The following KIAA0825 variants were observed in gnomAD, a reference collection of about 807,000 sequenced individuals.
KIAA0825 encodes the protein KIAA0825.
Under a neutral mutation model 147.6 loss-of-function variants are expected in KIAA0825, and 119 were observed. The ratio of observed to expected loss-of-function variants is 0.81; its 90% CI spans 0.69 to 0.94. KIAA0825 has a LOEUF of 0.94. Ranked by LOEUF, KIAA0825 falls within the 40% of genes least tolerant of loss-of-function variation. KIAA0825 has a pLI of 0.00. For synonymous variants in KIAA0825, 470 were observed against 518.1 expected, an observed-to-expected ratio of 0.91 and a Z score of 1.26; for missense variants, 1,381 against 1,472.7, an observed-to-expected ratio of 0.94 and a Z score of 1.02.
At chr5:94,330,695 C>A (rs1781175710) in intron 20 of KIAA0825, among the ~76,000 whole-genome samples, 1 of 148,076 alleles carries the variant, frequency 6.8e-6, no homozygotes. Context: ...AGAATAGAAA[C>A]CAATAAAACT....
intron 12 of KIAA0825, among the ~76,000 whole-genome samples, chr5:94,457,485 T>G (rs1156800513): frequency 6.6e-6 from 1 of 152,226 alleles, no homozygotes; most frequent in East Asian, 1.9e-4. Flanking sequence ...AGAGTGCATT[T>G]GGGAAAATTC....
At chr5:94,393,544 G>T (rs1051290731) in intron 17 of KIAA0825, among the ~76,000 whole-genome samples, 2 of 152,180 alleles carry the variant, frequency 1.3e-5, no homozygotes, top group Non-Finnish European at 2.9e-5. Context: ...CTGGATGCAA[G>T]TGAAAGGAAT....
At position 94,565,095 on chromosome 5, in the gene KIAA0825, C is replaced by CTTTTTTTTTTTTTTTTTTTTTTTTTT. The variant is rs1176429699; in HGVS notation, c.-2+17337_-2+17338insAAAAAAAAAAAAAAAAAAAAAAAAAA. Among the ~76,000 whole-genome samples the CTTTTTTTTTTTTTTTTTTTTTTTTTT allele has an allele frequency of 4.7e-4, 25 of 52,926 alleles. 2 individuals are homozygous for CTTTTTTTTTTTTTTTTTTTTTTTTTT. The highest frequency in any genetic ancestry group is 7.0e-4 in the Non-Finnish European group (19 of 27,326). 34.7% of individuals were successfully genotyped at this position (52,926 alleles called of 152,430 possible). ...CTCTTTCTCTCTCTTTCTTGCTTTCCTTTTTTTTTTTTTTTTTTGGTAGAG... is the reference window on the plus strand; with the variant it reads ...CTCTTTCTCTCTCTTTCTTGCTTTCCTTTTTTTTTTTTTTTTTTTTTTTTTTTTTTTTTTTTTTTTTTTTGGTAGAG... On this transcript the variant is annotated intron_variant, in intron 2 of 20. Coordinates refer to ENST00000682413, the MANE Select transcript of KIAA0825 (RefSeq NM_001145678.3).
chr5:94,576,519 T>C (rs1355192050), intron 2 of KIAA0825, among the ~76,000 whole-genome samples: 1 of 152,168 alleles, frequency 6.6e-6, no homozygotes, highest in Non-Finnish European at 1.5e-5. Flanking sequence ...TGTGATACCC[T>C]GTATCACCTC....
At chr5:94,389,339 G>C (rs188408773) in intron 18 of KIAA0825, among the ~76,000 whole-genome samples, 1 of 152,326 alleles carries the variant, frequency 6.6e-6, no homozygotes, top group East Asian at 1.9e-4. Flanking sequence ...TTCCCTGTAT[G>C]TAAGCTCCCA....
At chr5:94,259,788 T>C (rs1401829838) in intron 20 of KIAA0825, among the ~76,000 whole-genome samples, 2 of 151,938 alleles carry the variant, frequency 1.3e-5, no homozygotes, top group Non-Finnish European at 2.9e-5. Flanking sequence ...TTATATTATC[T>C]TTAAAAATCT....
At position 94,523,205 on chromosome 5, in the gene KIAA0825, A is replaced by G. The variant is rs527999967; in HGVS notation, c.300+725T>C. Among the ~76,000 whole-genome samples the G allele has an allele frequency of 4.3e-4, 66 of 151,796 alleles. 1 individual carries two copies. Among genetic ancestry groups the G allele is most frequent in the African/African-American group, 1.4e-3 (60 of 41,546 alleles). On this transcript the variant is annotated intron_variant, in intron 4 of 20. Transcript: ENST00000682413. ...TAGTCAATGTTTGATGTTTAGACAA[A>G]AACAGTGCCTTTTTTTCCCTAAATT...
At chr5:94,534,973 T>C (rs894339336) in intron 3 of KIAA0825, among the ~76,000 whole-genome samples, 3 of 152,140 alleles carry the variant, frequency 2.0e-5, no homozygotes, top group Non-Finnish European at 2.9e-5. Context: ...TACATAAATA[T>C]ATAACATGAA....
Position 94,417,363 on chromosome 5 carries a change from G to C in KIAA0825, c.2500C>G (p.Gln834Glu). The change falls in exon 15 of 21, where the codon CAA becomes GAA. Residue 834 changes from glutamine (Q) to glutamate (E), a missense_variant and splice_region_variant. Gln to Glu is a conservative substitution (Grantham distance 29). Transcript: ENST00000682413. ...AGGTTATTTTCTGTGTCGGAAACTTGTTCTTGAAAGGTACGTTCTTGAAAG... is the reference window on the plus strand; with the variant it reads ...AGGTTATTTTCTGTGTCGGAAACTTCTTCTTGAAAGGTACGTTCTTGAAAG... ...LLRILLKSSKQVSDTENNLNQ... is the reference protein window; with the variant it reads ...LLRILLKSSKEVSDTENNLNQ... 1 of 1,541,580 alleles carries C rather than the reference G, an allele frequency of 6.5e-7. No homozygotes were observed. Among genetic ancestry groups the C allele is most frequent in the Non-Finnish European group, 8.8e-7 (1 of 1,139,174 alleles).
chr5:94,381,140 T>C (rs1748350851), intron 20 of KIAA0825, among the ~76,000 whole-genome samples: 1 of 152,236 alleles, frequency 6.6e-6, no homozygotes, highest in Non-Finnish European at 1.5e-5. Context: ...GATCTGATAC[T>C]TTTTCTGATC....
intron 13 of KIAA0825, among the ~76,000 whole-genome samples, chr5:94,451,068 A>G (rs1758339919): frequency 6.6e-6 from 1 of 152,178 alleles, no homozygotes; most frequent in Non-Finnish European, 1.5e-5. Context: ...AGGTTTTAAA[A>G]AGATAATGTA....
chr5:94,420,104 G>A (rs1365807454), intron 14 of KIAA0825, among the ~76,000 whole-genome samples: 1 of 151,984 alleles, frequency 6.6e-6, no homozygotes, highest in Non-Finnish European at 1.5e-5. Flanking sequence ...CCGAAGAATT[G>A]GTGAAATATT....
chr5:94,518,700 A>G (rs1767632705), intron 5 of KIAA0825, among the ~76,000 whole-genome samples: 2 of 152,132 alleles, frequency 1.3e-5, no homozygotes, highest in South Asian at 4.1e-4. Flanking sequence ...TAATTGTTTC[A>G]TATCAAAGTT....
intron 20 of KIAA0825, among the ~76,000 whole-genome samples, chr5:94,331,652 C>G (rs896237655): frequency 6.6e-6 from 1 of 151,960 alleles, no homozygotes; most frequent in Non-Finnish European, 1.5e-5. Context: ...CAGAAAAATC[C>G]TCAACAAAAT....
chr5:94,231,797 T>G (rs1774720775), intron 20 of KIAA0825, among the ~76,000 whole-genome samples: 1 of 152,096 alleles, frequency 6.6e-6, no homozygotes, highest in Non-Finnish European at 1.5e-5. Context: ...TCAAATAATA[T>G]ATTTTGGGAC....
chr5:94,521,979 C>T lies in KIAA0825; in HGVS notation c.301-1062G>A, dbSNP rs77372657. 2.0e-3 allele frequency among the ~76,000 whole-genome samples: 305 copies of T among 151,820 alleles called. 1 individual carries two copies. Among genetic ancestry groups the T allele is most frequent in the African/African-American group, 7.1e-3 (296 of 41,526 alleles). ...CAAATTCCAGGAATTTTCTCTCATT[C>T]ACTGTAAGCACTGCAATGCCTAATG... On this transcript the variant is annotated intron_variant, in intron 4 of 20. Transcript: ENST00000682413.
At chr5:94,356,035 C>T (rs910172739) in intron 20 of KIAA0825, among the ~76,000 whole-genome samples, 1 of 152,024 alleles carries the variant, frequency 6.6e-6, no homozygotes, top group Non-Finnish European at 1.5e-5. Context: ...TTGGGTGGGG[C>T]CCAAGATTCT....
chr5:94,297,632 G>A (rs1778196981), intron 20 of KIAA0825, among the ~76,000 whole-genome samples: 1 of 151,906 alleles, frequency 6.6e-6, no homozygotes, highest in Non-Finnish European at 1.5e-5. Flanking sequence ...GTCTCAATCT[G>A]TCGCCCGGGC....
chr5:94,362,607 C>A (rs1745216520), intron 20 of KIAA0825, among the ~76,000 whole-genome samples: 1 of 139,622 alleles, frequency 7.2e-6, no homozygotes, highest in Admixed American at 7.1e-5. Context: ...CCTCTGTGAT[C>A]TTCTACTGTA....
Sources: gnomAD v4.1 joint callset for allele counts (sites outside exome capture counted in the v4.1 genomes callset) on GRCh38, gnomAD v4.1.1 for gene constraint, MANE v1.5 for transcripts, NCBI Gene and HGNC (gene_info 2026-07-23, HGNC 2026-07-21) for gene names.